Variants in MTR observed in about 807,000 individuals in gnomAD.
The protein encoded by MTR is 5-methyltetrahydrofolate-homocysteine methyltransferase.
A neutral mutation model predicts 154.8 loss-of-function variants in MTR; 84 were observed. The ratio of observed to expected loss-of-function variants is 0.54; its 90% confidence interval spans 0.45 to 0.65. The LOEUF is 0.65. MTR is among the 30% of genes least tolerant of loss of function. The pLI is 0.00. For synonymous variants in MTR, 554 were observed against 553.9 expected (o/e 1.00, Z 0.00); for missense variants, 1,275 against 1,570.2 (o/e 0.81, Z 3.18).
intron 15 of MTR, 45 bp downstream of exon 15, chr1:236,838,644 G>A (rs748298574): frequency 4.4e-6 from 7 of 1,609,028 alleles, no homozygotes; most frequent in East Asian, 4.5e-5. Flanking sequence ...TCCCAGGTTA[G>A]ATAGTGGTGG....
intron 15 of MTR, among the ~76,000 whole-genome samples, chr1:236,846,931 G>T (rs1295112361): frequency 3.3e-5 from 5 of 152,100 alleles, no homozygotes; most frequent in African/African-American, 1.2e-4. Flanking sequence ...CTGTCGTGCA[G>T]GCTGAAGTGC....
intron 5 of MTR, among the ~76,000 whole-genome samples, chr1:236,810,942 T>A (rs1047618611): frequency 2.2e-4 from 33 of 152,228 alleles, no homozygotes; most frequent in African/African-American, 8.0e-4. Context: ...GCACACAATA[T>A]CCTCATTTAT....
chr1:236,812,500 A>G lies in MTR; in HGVS notation c.503-238A>G, dbSNP rs138911792. Among the ~76,000 whole-genome samples, 411 of 152,318 alleles carry G rather than the reference A, an allele frequency of 2.7e-3. 1 individual carries two copies. Among genetic ancestry groups the G allele is most frequent in the Admixed American group, 4.6e-3 (70 of 15,310 alleles). On this transcript the variant is annotated intron_variant, in intron 5 of 32. Coordinates refer to ENST00000366577, the MANE Select transcript of MTR (RefSeq NM_000254.3). ...CGCCTTCCCTCTCACTCCTCAGCTC[A>G]TACATGGGAAGTGGAAGTTACGTGG... is the stretch of plus-strand genomic sequence containing the variant.
At chr1:236,880,686 G>T (rs576315292) in intron 24 of MTR, 69 bp from the exon 25 acceptor site, 2 of 1,229,040 alleles carry the variant, frequency 1.6e-6, no homozygotes, top group East Asian at 4.6e-5. Context: ...CTCTAATGGC[G>T]CTGAACAAGA....
chr1:236,818,567 A>G (rs1009363450), intron 8 of MTR, among the ~76,000 whole-genome samples: 1 of 152,230 alleles, frequency 6.6e-6, no homozygotes, highest in African/African-American at 2.4e-5. Context: ...AATCCTTTCT[A>G]TGACTTCAGC....
At chr1:236,832,463 C>T (rs1224067241) in intron 13 of MTR, among the ~76,000 whole-genome samples, 1 of 152,198 alleles carries the variant, frequency 6.6e-6, no homozygotes, top group East Asian at 1.9e-4. Context: ...ATGATCGCAT[C>T]AAACGCTGAC....
At chr1:236,811,487 A>C (rs1661300763) in intron 5 of MTR, among the ~76,000 whole-genome samples, 1 of 152,246 alleles carries the variant, frequency 6.6e-6, no homozygotes, top group Admixed American at 6.5e-5. Context: ...TAGTCATGAT[A>C]CCATGTCTGG....
chr1:236,850,497 T>A lies in MTR; in HGVS notation c.1669T>A (p.Phe557Ile), dbSNP rs760764612. ...GGAACACAACTTGTATGCCATTAAT[T>A]TTATCCATGCAACAAAAGTCATTAA... Reference protein sequence around the residue: ...MEEHNLYAINFIHATKVIKET... With the variant: ...MEEHNLYAINIIHATKVIKET... The change falls in exon 16 of 33, where the codon TTT (phenylalanine) becomes ATT (isoleucine). Residue 557 changes from phenylalanine (F) to isoleucine (I), a missense_variant. Physicochemically the swap from Phe to Ile is conservative, Grantham distance 21 (BLOSUM62 0). Transcript: ENST00000366577. The A allele has an allele frequency of 1.2e-6, 2 of 1,613,774 alleles. No homozygotes were observed. The highest frequency in any genetic ancestry group is 3.3e-5 in the Admixed American group (2 of 59,996).
At chr1:236,886,225 A>G in intron 26 of MTR, 67 bp from the exon 27 acceptor site, 5 of 1,307,972 alleles carry the variant, frequency 3.8e-6, no homozygotes, top group Admixed American at 3.4e-5. Context: ...GCCTTCTTGG[A>G]CATGTTTTCA....
intron 15 of MTR, among the ~76,000 whole-genome samples, chr1:236,848,402 G>C (rs1348590279): frequency 2.0e-5 from 3 of 152,078 alleles, no homozygotes; most frequent in Non-Finnish European, 4.4e-5. Context: ...GGTCGCCCCT[G>C]TGCCTTCTCT....
chr1:236,850,059 A>G (rs1465856928), intron 15 of MTR, among the ~76,000 whole-genome samples: 1 of 152,164 alleles, frequency 6.6e-6, no homozygotes, highest in East Asian at 1.9e-4. Flanking sequence ...GATTTTTTGC[A>G]GAAAGAGTAT....
At chr1:236,813,263 A>G (rs1489774826) in intron 6 of MTR, among the ~76,000 whole-genome samples, 1 of 152,166 alleles carries the variant, frequency 6.6e-6, no homozygotes, top group Non-Finnish European at 1.5e-5. Flanking sequence ...CGATACAGAT[A>G]TAGGCATGTG....
intron 18 of MTR, among the ~76,000 whole-genome samples, chr1:236,854,313 A>G (rs957261888): frequency 6.6e-6 from 1 of 152,214 alleles, no homozygotes; most frequent in Non-Finnish European, 1.5e-5. Flanking sequence ...CAGTTCCTTA[A>G]AAACATTTCC....
intron 11 of MTR, among the ~76,000 whole-genome samples, chr1:236,828,046 C>T (rs1055290740): frequency 3.3e-5 from 5 of 152,162 alleles, no homozygotes; most frequent in South Asian, 4.1e-4. Context: ...GGTGCGATCT[C>T]GGCTCACTGC....
chr1:236,798,224 A>G (rs1002573711), intron 1 of MTR, among the ~76,000 whole-genome samples: 12 of 152,218 alleles, frequency 7.9e-5, no homozygotes, highest in African/African-American at 2.7e-4. Context: ...GTCCTAAGTA[A>G]GTCAGATCTA....
In MTR at chr1:236,880,847, G is replaced by A. The variant is rs1665692792; in HGVS notation, c.2676+11G>A. The A allele has an allele frequency of 3.7e-6, 6 of 1,610,912 alleles. No individual in the cohort carries two copies. Among genetic ancestry groups the A allele is most frequent in the Non-Finnish European group, 4.2e-6 (5 of 1,177,066 alleles). On this transcript the variant is annotated intron_variant, in intron 25 of 32. Coordinates refer to ENST00000366577, the MANE Select transcript of MTR (RefSeq NM_000254.3). ...AAGAGTGTGGTGGTGGTAAGTGGGT[G>A]ACCTTACATTTTATTCCAGATGTGT... is the stretch of plus-strand genomic sequence containing the variant.
chr1:236,865,708 A>T (rs75797990), intron 22 of MTR, among the ~76,000 whole-genome samples: 1 of 152,190 alleles, frequency 6.6e-6, no homozygotes, highest in African/African-American at 2.4e-5. Flanking sequence ...CTAAGGATGT[A>T]TTCACCAAGA....
rs115186224 is a variant in MTR, at chr1:236,831,958, C to T, written c.1076-8C>T. 6,093 of 1,611,136 alleles carry T rather than the reference C, an allele frequency of 3.8e-3. 26 individuals carry two copies. Among genetic ancestry groups the T allele is most frequent in the Non-Finnish European group, 4.8e-3 (5,599 of 1,177,306 alleles). ...GCAGAAATTTTTCAAAATGCTTCTC[C>T]TTTTAAGGTCTAGAGCCCTTCAGGA... On this transcript the variant is annotated splice_region_variant and splice_polypyrimidine_tract_variant and intron_variant, in intron 12 of 32. Transcript: ENST00000366577.
At chr1:236,847,283 C>CT (rs1330577562) in intron 15 of MTR, among the ~76,000 whole-genome samples, 3 of 152,332 alleles carry the variant, frequency 2.0e-5, no homozygotes, top group African/African-American at 7.2e-5. Flanking sequence ...GATTTTAAAA[C>CT]TTTAACTCAC....
Sources: gnomAD v4.1 joint callset for allele counts (sites outside exome capture counted in the v4.1 genomes callset) on GRCh38, gnomAD v4.1.1 for gene constraint, MANE v1.5 for transcripts, NCBI Gene and HGNC (gene_info 2026-07-23, HGNC 2026-07-21) for gene names.